The following HMGB1 variants were observed in gnomAD, a reference collection of about 807,000 sequenced individuals.
HMGB1 encodes the protein high mobility group box 1, also known as high mobility group protein B1.
For synonymous variants in HMGB1, 81 were observed against 84.0 expected (o/e 0.96, Z 0.19); for missense variants, 79 against 253.5 (o/e 0.31, Z 4.67).
chr13:30,582,762 C>T (rs564799148), intron 1 of HMGB1, among the ~76,000 whole-genome samples: 3 of 152,278 alleles, frequency 2.0e-5, no homozygotes, highest in South Asian at 2.1e-4. Flanking sequence ...CCCCACGTAA[C>T]GACAGGTATT....
chr13:30,584,767 TC>T (rs1363996781), intron 1 of HMGB1, among the ~76,000 whole-genome samples: 1 of 152,190 alleles, frequency 6.6e-6, no homozygotes, highest in African/African-American at 2.4e-5. Context: ...CCAGATAGCT[TC>T]TAAAAATGCT....
intron 1 of HMGB1, among the ~76,000 whole-genome samples, chr13:30,527,572 C>T (rs771507200): frequency 6.6e-6 from 1 of 152,104 alleles, no homozygotes; most frequent in Non-Finnish European, 1.5e-5. Flanking sequence ...AGCATCACCA[C>T]GACATCCAGC....
chr13:30,593,633 T>C (rs977270352), intron 1 of HMGB1, among the ~76,000 whole-genome samples: 8 of 152,258 alleles, frequency 5.3e-5, no homozygotes, highest in Non-Finnish European at 7.3e-5. Flanking sequence ...GTTTTCCAAT[T>C]TGGCTTCTAA....
At chr13:30,596,646 A>T (rs1234688188) in intron 1 of HMGB1, among the ~76,000 whole-genome samples, 1 of 152,244 alleles carries the variant, frequency 6.6e-6, no homozygotes, top group Non-Finnish European at 1.5e-5. Flanking sequence ...CATTCTCTAC[A>T]ACTTTACTAT....
chr13:30,556,447 A>G (rs1333272380), intron 1 of HMGB1, among the ~76,000 whole-genome samples: 1 of 152,190 alleles, frequency 6.6e-6, no homozygotes, highest in Non-Finnish European at 1.5e-5. Context: ...TAACGAAGAG[A>G]TATCTGCATC....
intron 1 of HMGB1, among the ~76,000 whole-genome samples, chr13:30,490,662 G>T (rs368691160): frequency 5.0e-4 from 76 of 150,674 alleles, no homozygotes; most frequent in African/African-American, 1.8e-3. Context: ...GAATAAAAAA[G>T]AATTTAGGAA....
At chr13:30,485,528 A>AC (rs1887346313) in intron 1 of HMGB1, among the ~76,000 whole-genome samples, 1 of 111,116 alleles carries the variant, frequency 9.0e-6, no homozygotes, top group Admixed American at 8.9e-5. Flanking sequence ...AGTACCTATG[A>AC]CTTTTTTTAG....
At chr13:30,586,140 A>G (rs1593328282) in intron 1 of HMGB1, among the ~76,000 whole-genome samples, 1 of 152,182 alleles carries the variant, frequency 6.6e-6, no homozygotes, top group East Asian at 1.9e-4. Flanking sequence ...ATCATAGCTC[A>G]CTGCAGCCTT....
intron 1 of HMGB1, among the ~76,000 whole-genome samples, chr13:30,491,174 G>T (rs529425349): frequency 2.6e-5 from 4 of 152,038 alleles, no homozygotes; most frequent in Non-Finnish European, 4.4e-5. Context: ...GATTACAGGC[G>T]TGTGGCACCA....
intron 1 of HMGB1, among the ~76,000 whole-genome samples, chr13:30,587,026 T>G (rs902992001): frequency 6.6e-6 from 1 of 152,216 alleles, no homozygotes; most frequent in East Asian, 1.9e-4. Flanking sequence ...AATATTTATT[T>G]TCTTTAAAAA....
chr13:30,556,823 TG>T (rs1374795752), intron 1 of HMGB1, among the ~76,000 whole-genome samples: 1 of 152,208 alleles, frequency 6.6e-6, no homozygotes, highest in African/African-American at 2.4e-5. Flanking sequence ...TAAGTTCTAG[TG>T]TTCGACAGCA....
chr13:30,510,094 C>T (rs7334351), intron 1 of HMGB1, among the ~76,000 whole-genome samples: 5,350 of 152,290 alleles, frequency 0.035, 270 homozygotes, highest in African/African-American at 0.12. Flanking sequence ...ACCTGCATCC[C>T]GTACTCTTCC....
chr13:30,600,042 G>A (rs1282800352), intron 1 of HMGB1, among the ~76,000 whole-genome samples: 1 of 152,108 alleles, frequency 6.6e-6, no homozygotes, highest in Non-Finnish European at 1.5e-5. Context: ...TACAAACTGT[G>A]GTAAGTTACT....
intron 1 of HMGB1, among the ~76,000 whole-genome samples, chr13:30,487,012 T>G (rs1887380233): frequency 6.6e-6 from 1 of 152,208 alleles, no homozygotes. Context: ...GGTCATTTTA[T>G]TTTTATGAAA....
intron 1 of HMGB1, among the ~76,000 whole-genome samples, chr13:30,534,492 CT>C (rs1888567973): frequency 6.6e-6 from 1 of 152,066 alleles, no homozygotes; most frequent in Non-Finnish European, 1.5e-5. Flanking sequence ...TTTCCAAGGA[CT>C]GCCCTTAAAT....
chr13:30,462,380 T>C (rs1886406968), intron 4 of HMGB1, 158 bp downstream of exon 4: 1 of 753,450 alleles, frequency 1.3e-6, no homozygotes, highest in African/African-American at 1.7e-5. Flanking sequence ...AAAACCCTAA[T>C]TTATTTGGTC....
intron 1 of HMGB1, among the ~76,000 whole-genome samples, chr13:30,501,383 C>T (rs939521643): frequency 6.6e-6 from 1 of 152,050 alleles, no homozygotes; most frequent in Non-Finnish European, 1.5e-5. Flanking sequence ...CAAAGTCTTG[C>T]TCTGTTGCCT....
At chr13:30,477,958 G>T (rs1001360867) in intron 1 of HMGB1, among the ~76,000 whole-genome samples, 1 of 152,160 alleles carries the variant, frequency 6.6e-6, no homozygotes, top group Non-Finnish European at 1.5e-5. Context: ...AACAAAAAAC[G>T]TGTATGCTTT....
At chr13:30,554,063 C>T in intron 1 of HMGB1, 1 of 1,365,622 alleles carries the variant, frequency 7.3e-7, no homozygotes, top group Non-Finnish European at 1.0e-6. Context: ...CAACAGATGA[C>T]CAAAAGATGC....
Sources: gnomAD v4.1 joint callset for allele counts (sites outside exome capture counted in the v4.1 genomes callset) on GRCh38, gnomAD v4.1.1 for gene constraint, MANE v1.5 for transcripts, NCBI Gene and HGNC (gene_info 2026-07-23, HGNC 2026-07-21) for gene names.